The following DENND1B variants were observed in gnomAD, a reference collection of about 807,000 sequenced individuals.
DENND1B encodes the protein DENN domain-containing protein 1B.
A neutral mutation model predicts 90.1 loss-of-function variants in DENND1B; 59 were observed. The observed-to-expected ratio is 0.65, with a 90% CI of 0.53 to 0.81. The LOEUF is 0.81. Among genes scored for constraint, DENND1B ranks in the 40% least tolerant of loss-of-function variants. The pLI, the probability that DENND1B is intolerant of heterozygous loss-of-function variation, is 0.00. For missense variants in DENND1B, 862 were observed against 912.6 expected (o/e 0.94, Z 0.71); for synonymous variants, 337 against 324.6 (o/e 1.04, Z -0.41).
chr1:197,667,441 T>C (rs1267795527), intron 5 of DENND1B, among the ~76,000 whole-genome samples: 1 of 151,934 alleles, frequency 6.6e-6, no homozygotes, highest in Non-Finnish European at 1.5e-5. Context: ...TATTATTATC[T>C]TTTTTTTCCG....
intron 2 of DENND1B, among the ~76,000 whole-genome samples, chr1:197,769,974 C>T (rs1656198759): frequency 6.6e-6 from 1 of 151,892 alleles, no homozygotes; most frequent in Non-Finnish European, 1.5e-5. Context: ...ACTTTTATAG[C>T]CCTCTTATAG....
intron 2 of DENND1B, among the ~76,000 whole-genome samples, chr1:197,739,534 C>T (rs559532623): frequency 6.6e-6 from 1 of 152,144 alleles, no homozygotes; most frequent in African/African-American, 2.4e-5. Flanking sequence ...AATAACCCAA[C>T]GGTCAAAGAA....
At chr1:197,771,937 T>C (rs1176597474) in intron 2 of DENND1B, among the ~76,000 whole-genome samples, 1 of 152,108 alleles carries the variant, frequency 6.6e-6, no homozygotes, top group Non-Finnish European at 1.5e-5. Flanking sequence ...CAATACACAA[T>C]ATGACAAAAG....
chr1:197,589,405 G>A (rs1674987877), intron 14 of DENND1B, among the ~76,000 whole-genome samples: 1 of 152,114 alleles, frequency 6.6e-6, no homozygotes, highest in Admixed American at 6.5e-5. Flanking sequence ...ATATTTCTTT[G>A]GTGGTAACCA....
At chr1:197,554,543 T>A (rs1050427283) in intron 15 of DENND1B, among the ~76,000 whole-genome samples, 1 of 151,852 alleles carries the variant, frequency 6.6e-6, no homozygotes, top group Non-Finnish European at 1.5e-5. Context: ...CAGCAGCAAT[T>A]TAAGATAATT....
In DENND1B at chr1:197,510,664, G is replaced by T. The variant is rs1284067911; in HGVS notation, c.2124C>A (p.Ser708Arg). The change falls in exon 23 of 23, where the codon AGC becomes AGA. Residue 708 changes from serine to arginine, a missense_variant. By Grantham distance (110) the Ser-to-Arg change is moderately radical. Transcript: ENST00000620048. The part of the protein sequence containing the change: ...KGKTEKRETL[S>R]QISDDLLIPG... ...GTATAAGCAGATCATCTGAAATCTG[G>T]CTTAGTGTTTCCCTCTTTTCTGTTT... 2.5e-6 allele frequency: 4 copies of T among 1,612,784 alleles called. No individual in the cohort carries two copies. Among genetic ancestry groups the T allele is most frequent in the East Asian group, 2.2e-5 (1 of 44,836 alleles).
At chr1:197,696,138 C>A (rs1176748484) in intron 3 of DENND1B, among the ~76,000 whole-genome samples, 1 of 151,164 alleles carries the variant, frequency 6.6e-6, no homozygotes, top group Non-Finnish European at 1.5e-5. Context: ...ACTGAGTAGA[C>A]TGGATTTAAT....
At chr1:197,529,724 A>T (rs758787409) in intron 20 of DENND1B, among the ~76,000 whole-genome samples, 64 of 152,190 alleles carry the variant, frequency 4.2e-4, no homozygotes, top group Non-Finnish European at 7.8e-4. Context: ...GTAAATGTTT[A>T]CAAGTAAGTA....
At chr1:197,707,014 G>C (rs568517613) in intron 3 of DENND1B, among the ~76,000 whole-genome samples, 2 of 152,148 alleles carry the variant, frequency 1.3e-5, no homozygotes, top group African/African-American at 4.8e-5. Context: ...CAACCTAAGT[G>C]TCCATAAACA....
At chr1:197,666,049 A>T (rs1419398862) in intron 5 of DENND1B, among the ~76,000 whole-genome samples, 1 of 152,194 alleles carries the variant, frequency 6.6e-6, no homozygotes, top group Non-Finnish European at 1.5e-5. Context: ...AGAAGGTATT[A>T]ACATATTTTA....
intron 2 of DENND1B, among the ~76,000 whole-genome samples, chr1:197,724,884 T>C (rs1661489169): frequency 6.6e-6 from 1 of 151,956 alleles, no homozygotes; most frequent in South Asian, 2.1e-4. Context: ...AATAGTGAAC[T>C]AAGTCAGACA....
chr1:197,607,429 T>C (rs1277332789), intron 12 of DENND1B, among the ~76,000 whole-genome samples: 4 of 150,868 alleles, frequency 2.7e-5, no homozygotes, highest in Non-Finnish European at 1.5e-5. Flanking sequence ...ACAACAAAAA[T>C]TCTTATAAAA....
chr1:197,585,722 C>A (rs1674639437), intron 14 of DENND1B, among the ~76,000 whole-genome samples: 1 of 152,150 alleles, frequency 6.6e-6, no homozygotes, highest in South Asian at 2.1e-4. Flanking sequence ...TCAGAATTTT[C>A]TCTCAAGGAG....
At position 197,685,045 on chromosome 1, in the gene DENND1B, G is replaced by C. The variant is rs1248089353; in HGVS notation, c.127-10876C>G. ...AGGCAGGAGAATCGCTTGAACCCAG[G>C]GGGCAGAGGTTGCAGTGAGCCGAGA... is the stretch of plus-strand genomic sequence containing the variant. On this transcript the variant is annotated intron_variant, in intron 3 of 22. Coordinates refer to ENST00000620048, the MANE Select transcript of DENND1B (RefSeq NM_001195215.2). Among the ~76,000 whole-genome samples, 4 of 152,048 alleles carry C rather than the reference G, an allele frequency of 2.6e-5. No individual in the cohort carries two copies. In the South Asian group the frequency reaches 6.2e-4, roughly 24 times the overall value.
rs749064984 is a variant in DENND1B at position 197,512,878 on chromosome 1, C to T, written c.1591G>A (p.Ala531Thr). The change falls in exon 21 of 23, where the codon GCA becomes ACA. Residue 531 changes from alanine (A) to threonine (T), a missense_variant. By Grantham distance (58) the Ala-to-Thr change is moderately conservative. Transcript: ENST00000620048. ...CCAAAATCCATTACTTACTTGCTTG[C>T]TCTTTCAATGTCATCATCATCTTCA... ...DDEDDDDIERASKLSSEDGEE... is the reference protein window; with the variant it reads ...DDEDDDDIERTSKLSSEDGEE... The T allele has an allele frequency of 1.9e-6, 3 of 1,610,012 alleles. No individual in the cohort carries two copies. Among genetic ancestry groups the T allele is most frequent in the South Asian group, 2.2e-5 (2 of 90,806 alleles).
chr1:197,518,662 T>A (rs897211944), intron 20 of DENND1B, among the ~76,000 whole-genome samples: 1 of 151,898 alleles, frequency 6.6e-6, no homozygotes. Context: ...GTAAGGAAAT[T>A]CTGAAGGCTT....
intron 2 of DENND1B, among the ~76,000 whole-genome samples, chr1:197,719,070 A>G (rs1183568851): frequency 1.3e-5 from 2 of 152,082 alleles, no homozygotes; most frequent in Non-Finnish European, 2.9e-5. Context: ...ATTAAAAGAC[A>G]TAACACCACA....
At chr1:197,625,954 T>C (rs776769170) in intron 10 of DENND1B, among the ~76,000 whole-genome samples, 1 of 152,086 alleles carries the variant, frequency 6.6e-6, no homozygotes, top group African/African-American at 2.4e-5. Flanking sequence ...AAGGGATCAA[T>C]TCAACAAGAA....
chr1:197,699,528 T>C (rs1246966548), intron 3 of DENND1B, among the ~76,000 whole-genome samples: 1 of 152,160 alleles, frequency 6.6e-6, no homozygotes, highest in Non-Finnish European at 1.5e-5. Flanking sequence ...TCACTACTCC[T>C]ATTCAACACA....
Sources: gnomAD v4.1 joint callset for allele counts (sites outside exome capture counted in the v4.1 genomes callset) on GRCh38, gnomAD v4.1.1 for gene constraint, MANE v1.5 for transcripts, NCBI Gene and HGNC (gene_info 2026-07-23, HGNC 2026-07-21) for gene names.